COL19A1: variants seen among roughly 807,000 people sequenced by gnomAD.
COL19A1 encodes collagen type XIX alpha 1 chain, also known as collagen alpha-1(XIX) chain.
Under a neutral mutation model 190.2 loss-of-function variants are expected in COL19A1, and 159 were observed. The ratio of observed to expected loss-of-function variants is 0.84; its 90% CI spans 0.73 to 0.95. The LOEUF (loss-of-function observed/expected upper bound fraction) is 0.95. Among genes scored for constraint, COL19A1 ranks in the 40% least tolerant of loss-of-function variants. The pLI is 0.00. For missense variants in COL19A1, 1,418 were observed against 1,431.9 expected (o/e 0.99, Z 0.16); for synonymous variants, 509 against 458.9 (o/e 1.11, Z -1.39).
At chr6:70,087,085 T>C (rs917389787) in intron 15 of COL19A1, among the ~76,000 whole-genome samples, 5 of 152,196 alleles carry the variant, frequency 3.3e-5, no homozygotes, top group Non-Finnish European at 7.3e-5. Flanking sequence ...AGTTGAGTAG[T>C]TGTGACAAAG....
At chr6:70,064,291 G>C (rs1323389784) in intron 14 of COL19A1, among the ~76,000 whole-genome samples, 4 of 152,174 alleles carry the variant, frequency 2.6e-5, no homozygotes, top group Non-Finnish European at 5.9e-5. Context: ...GATCAAGTGG[G>C]CTTCATCCCT....
At chr6:70,171,380 A>G (rs1324929724) in intron 40 of COL19A1, among the ~76,000 whole-genome samples, 1 of 152,188 alleles carries the variant, frequency 6.6e-6, no homozygotes, top group Non-Finnish European at 1.5e-5. Context: ...TAGAAAATGT[A>G]AAGATTTTTA....
chr6:69,964,766 C>T (rs568617174), intron 11 of COL19A1, among the ~76,000 whole-genome samples: 2 of 151,928 alleles, frequency 1.3e-5, no homozygotes, highest in Non-Finnish European at 2.9e-5. Flanking sequence ...CAATATGTAC[C>T]TTGAATGAGA....
rs1777758029 is a variant in COL19A1, at chr6:70,008,270, TC to T, written c.1027-15356del. Reference sequence around the variant, plus strand: ...ATCAAAAGTTGGTTCTTTGAAAAGATCAACAAAATTGGTGAACTTCTAGCCA... The same window carrying T: ...ATCAAAAGTTGGTTCTTTGAAAAGATAACAAAATTGGTGAACTTCTAGCCA... On this transcript the variant is annotated intron_variant, in intron 11 of 50. Transcript: ENST00000620364. Among the ~76,000 whole-genome samples, 7 of 149,678 alleles carry T rather than the reference TC, an allele frequency of 4.7e-5. No individual in the cohort carries two copies. The South Asian group carries it at 1.5e-3, about 32-fold the overall frequency.
intron 11 of COL19A1, among the ~76,000 whole-genome samples, chr6:69,989,943 A>G (rs1299188132): frequency 6.6e-6 from 1 of 152,092 alleles, no homozygotes; most frequent in East Asian, 1.9e-4. Context: ...CTAGACTTCA[A>G]TTGTGAATGA....
chr6:69,919,565 C>T (rs1304768383), intron 4 of COL19A1, among the ~76,000 whole-genome samples: 1 of 151,200 alleles, frequency 6.6e-6, no homozygotes, highest in Non-Finnish European at 1.5e-5. Flanking sequence ...AAATTTTGAC[C>T]AGAAAAAAAA....
At chr6:70,071,194 CATT>C (rs1318028026) in intron 15 of COL19A1, among the ~76,000 whole-genome samples, 4 of 152,002 alleles carry the variant, frequency 2.6e-5, no homozygotes, top group Admixed American at 6.6e-5. Flanking sequence ...AAATATCAAA[CATT>C]ATAGAAACAT....
intron 30 of COL19A1, 94 bp downstream of exon 30, chr6:70,150,139 A>C: frequency 6.4e-6 from 8 of 1,254,244 alleles, no homozygotes; most frequent in Non-Finnish European, 7.0e-6. Flanking sequence ...AACTAATTAG[A>C]ATGCTCGGTG....
intron 41 of COL19A1, among the ~76,000 whole-genome samples, chr6:70,173,438 A>G (rs182050917): frequency 2.8e-4 from 42 of 152,334 alleles, no homozygotes; most frequent in East Asian, 1.2e-3. Flanking sequence ...AGGAAGACTA[A>G]GAAGTAACCA....
intron 41 of COL19A1, among the ~76,000 whole-genome samples, chr6:70,174,572 C>CCA (rs1765695579): frequency 2.9e-5 from 4 of 139,440 alleles, no homozygotes; most frequent in South Asian, 4.6e-4. Context: ...AAAAAAAAAA[C>CCA]AAAAAAAACA....
At chr6:69,960,375 T>A (rs1774702043) in intron 10 of COL19A1, among the ~76,000 whole-genome samples, 1 of 152,208 alleles carries the variant, frequency 6.6e-6, no homozygotes, top group Non-Finnish European at 1.5e-5. Context: ...CTGTACTCCC[T>A]TTGACTAGTT....
rs143237423 is a variant in COL19A1 at position 69,881,626 on chromosome 6, G to A, written c.91+1968G>A. Among the ~76,000 whole-genome samples the A allele has an allele frequency of 2.6e-3, 396 of 152,192 alleles. 13 individuals are homozygous for A. The South Asian group carries it at 0.076, about 29-fold the overall frequency. On this transcript the variant is annotated intron_variant, in intron 2 of 50. Coordinates refer to ENST00000620364, the MANE Select transcript of COL19A1 (RefSeq NM_001858.6). ...CATATATTCTGATCCAATTTACTTC[G>A]CTGAATTAATCTTTTGAAAGATTTT...
intron 2 of COL19A1, chr6:69,879,976 T>G: frequency 5.5e-6 from 2 of 366,078 alleles, no homozygotes; most frequent in Non-Finnish European, 9.7e-6. Context: ...TCAATAATTA[T>G]TCAAGTTATA....
chr6:69,870,267 G>A (rs1767742629), intron 1 of COL19A1, among the ~76,000 whole-genome samples: 1 of 152,204 alleles, frequency 6.6e-6, no homozygotes, highest in Non-Finnish European at 1.5e-5. Context: ...AATACAATCT[G>A]TTTTCTCCAA....
At chr6:69,932,995 T>C in intron 7 of COL19A1, 132 bp downstream of exon 7, 2 of 537,532 alleles carry the variant, frequency 3.7e-6, no homozygotes, top group East Asian at 6.3e-5. Flanking sequence ...TTATTCCTAG[T>C]AAGGAAGCAT....
At position 70,086,982 on chromosome 6, in the gene COL19A1, G is replaced by GGT. The variant is rs576336796; in HGVS notation, c.1225-15184_1225-15183dup. Among the ~76,000 whole-genome samples the GGT allele has an allele frequency of 2.2e-3, 304 of 135,386 alleles. 1 individual carries two copies. The South Asian group carries it at 0.028, about 13-fold the overall frequency. The allele number at this position is 135,386 out of a possible 152,430, so 88.8% of individuals were successfully genotyped here. On this transcript the variant is annotated intron_variant, in intron 15 of 50. Coordinates refer to ENST00000620364, the MANE Select transcript of COL19A1 (RefSeq NM_001858.6). ...AGACTACAGCCCTTGGGCCAAATCTGGTGTACCATGTGTTTTTTTTTAAAT... is the reference window on the plus strand; with the variant it reads ...AGACTACAGCCCTTGGGCCAAATCTGGTGTGTACCATGTGTTTTTTTTTAAAT...
chr6:70,066,022 A>G (rs1240242248), intron 14 of COL19A1, among the ~76,000 whole-genome samples: 4 of 152,240 alleles, frequency 2.6e-5, no homozygotes, highest in Non-Finnish European at 5.9e-5. Context: ...TAGTTCAACC[A>G]TTGTGGAAGA....
intron 15 of COL19A1, among the ~76,000 whole-genome samples, chr6:70,078,693 T>C (rs1196370328): frequency 2.0e-5 from 3 of 152,064 alleles, no homozygotes; most frequent in Non-Finnish European, 4.4e-5. Context: ...TAAAACACAA[T>C]CCTTAACATC....
intron 16 of COL19A1, among the ~76,000 whole-genome samples, chr6:70,115,158 C>T (rs1438600544): frequency 3.9e-5 from 6 of 152,194 alleles, no homozygotes; most frequent in African/African-American, 1.4e-4. Flanking sequence ...CTTCTCCTGT[C>T]CTTAGCCCCC....
Sources: gnomAD v4.1 joint callset for allele counts (sites outside exome capture counted in the v4.1 genomes callset) on GRCh38, gnomAD v4.1.1 for gene constraint, MANE v1.5 for transcripts, NCBI Gene and HGNC (gene_info 2026-07-23, HGNC 2026-07-21) for gene names.